The following EPS15L1 variants were observed in gnomAD, a reference collection of about 807,000 sequenced individuals.
The protein encoded by EPS15L1 is epidermal growth factor receptor substrate 15-like 1.
In EPS15L1, 43 loss-of-function variants were observed where a neutral mutation model predicts 117.1. The ratio of observed to expected loss-of-function variants is 0.37; its 90% confidence interval spans 0.29 to 0.47. The LOEUF (loss-of-function observed/expected upper bound fraction) is 0.47, where lower values mean the gene tolerates loss of function less well. Ranked by LOEUF, EPS15L1 falls within the 20% of genes least tolerant of loss-of-function variation. EPS15L1 has a pLI of 0.99. For synonymous variants in EPS15L1, 459 were observed against 470.5 expected, an observed-to-expected ratio of 0.98 and a Z score of 0.32; for missense variants, 981 against 1,164.0, an observed-to-expected ratio of 0.84 and a Z score of 2.29.
chr19:16,447,446 G>T (rs2093094959), intron 1 of EPS15L1, among the ~76,000 whole-genome samples: 1 of 152,164 alleles, frequency 6.6e-6, no homozygotes, highest in South Asian at 2.1e-4. Context: ...GAAAGAAAAT[G>T]TTCCATCTCA....
At chr19:16,419,315 C>T (rs910792796) in intron 10 of EPS15L1, among the ~76,000 whole-genome samples, 27 of 152,240 alleles carry the variant, frequency 1.8e-4, no homozygotes, top group Admixed American at 9.8e-4. Flanking sequence ...AAAAATTAGC[C>T]GGGCATGGTG....
intron 10 of EPS15L1, 107 bp from the exon 11 acceptor site, chr19:16,418,211 G>C: frequency 2.3e-6 from 3 of 1,309,404 alleles, no homozygotes; most frequent in East Asian, 2.4e-5. Flanking sequence ...GAAAACAACG[G>C]CAGGGCGTGG....
chr19:16,361,558 T>C, intron 23 of EPS15L1: 1 of 1,299,022 alleles, frequency 7.7e-7, no homozygotes, highest in Non-Finnish European at 9.8e-7. Flanking sequence ...AAACGTGCCC[T>C]TATGATAGAG....
At chr19:16,367,517 A>C (rs1220314249) in intron 22 of EPS15L1, among the ~76,000 whole-genome samples, 3 of 149,396 alleles carry the variant, frequency 2.0e-5, no homozygotes, top group Non-Finnish European at 4.5e-5. Flanking sequence ...AAAAAAAAAA[A>C]AAAAAAAAAC....
At chr19:16,376,778 G>A (rs2092301354) in intron 22 of EPS15L1, among the ~76,000 whole-genome samples, 2 of 152,252 alleles carry the variant, frequency 1.3e-5, no homozygotes, top group Admixed American at 6.5e-5. Context: ...GGCTCCTGAA[G>A]TATAGCCAGG....
At chr19:16,467,734 G>A (rs1331523166) in intron 1 of EPS15L1, among the ~76,000 whole-genome samples, 3 of 152,138 alleles carry the variant, frequency 2.0e-5, no homozygotes, top group Non-Finnish European at 2.9e-5. Flanking sequence ...GTAAGTGTCC[G>A]AGCCACTCAG....
chr19:16,384,294 CCTCA>C (rs1411900894), intron 21 of EPS15L1: 1 of 152,294 alleles, frequency 6.6e-6, no homozygotes, highest in Non-Finnish European at 1.5e-5. Context: ...GAAAAATGCT[CCTCA>C]CTCAAACAGG....
At chr19:16,399,103 C>T (rs1203607066) in intron 16 of EPS15L1, among the ~76,000 whole-genome samples, 3 of 152,162 alleles carry the variant, frequency 2.0e-5, no homozygotes, top group Non-Finnish European at 4.4e-5. Context: ...AAGCCCCCTG[C>T]ACTGACAGTC....
chr19:16,436,834 G>T, intron 6 of EPS15L1, 103 bp downstream of exon 6: 1 of 944,514 alleles, frequency 1.1e-6, no homozygotes, highest in South Asian at 1.6e-5. Flanking sequence ...AAAATGTTCT[G>T]AACAACATCA....
rs535270269 is a variant in EPS15L1 at position 16,392,294 on chromosome 19, C to T, written c.2103+10G>A. 1.1e-5 allele frequency: 17 copies of T among 1,613,898 alleles called. No individual in the cohort carries two copies. The highest frequency in any genetic ancestry group is 1.7e-4 in the Middle Eastern group (1 of 6,056). ...CGCAGCTCTCCCGGGCAACGTCCCA[C>T]CCCACTCACCTTCGAAGGTAAGGAA... is the stretch of plus-strand genomic sequence containing the variant. On this transcript the variant is annotated intron_variant, in intron 19 of 23. Coordinates refer to ENST00000455140, the MANE Select transcript of EPS15L1 (RefSeq NM_001258374.3).
intron 16 of EPS15L1, chr19:16,401,930 C>G (rs747395463): frequency 5.4e-5 from 55 of 1,014,102 alleles, no homozygotes; most frequent in Non-Finnish European, 6.2e-5. Context: ...ACATGCCCCT[C>G]AGATGTCCCC....
Position 16,370,175 on chromosome 19 carries a change from C to T in EPS15L1, c.2380+6947G>A, listed in dbSNP as rs1173577786. 6.6e-6 allele frequency among the ~76,000 whole-genome samples: 1 copy of T among 152,182 alleles called. No homozygotes were observed. Among genetic ancestry groups the T allele is most frequent in the African/African-American group, 2.4e-5 (1 of 41,450 alleles). On this transcript the variant is annotated intron_variant, in intron 22 of 23. Transcript: ENST00000455140. The surrounding 1 kb of genome is among the most constrained non-coding windows in gnomAD (Gnocchi z 5.2). ...CACCAGGAGCTCCCATGGTGGGGGA[C>T]ACTTTTGCTCTCTTTATGGCCAGAT...
At position 16,402,363 on chromosome 19, in the gene EPS15L1, G is replaced by A. The variant is rs771374210; in HGVS notation, c.1749C>T (p.Ser583=). 9 of 1,613,762 alleles carry A rather than the reference G, an allele frequency of 5.6e-6. No homozygotes were observed. Among genetic ancestry groups the A allele is most frequent in the East Asian group, 2.2e-5 (1 of 44,844 alleles). ...GASLTDLANL[S]EGVSLAERGS... is the part of the protein sequence containing the mutation. ...CCCTCTCTGCCAGGGAGACGCCTTC[G>A]CTCAGGTTGGCCAGGTCGGTCAGGC... The change falls in exon 16 of 24, where the codon AGC becomes AGT. Residue 583 remains serine (S), a synonymous_variant. Coordinates refer to ENST00000455140, the MANE Select transcript of EPS15L1 (RefSeq NM_001258374.3).
chr19:16,397,814 C>T (rs2092555875), intron 16 of EPS15L1, among the ~76,000 whole-genome samples: 1 of 151,992 alleles, frequency 6.6e-6, no homozygotes, highest in East Asian at 1.9e-4. Flanking sequence ...TTGTCATATA[C>T]ATGGGAACAA....
At chr19:16,419,560 C>T (rs1186888414) in intron 10 of EPS15L1, among the ~76,000 whole-genome samples, 2 of 151,962 alleles carry the variant, frequency 1.3e-5, no homozygotes, top group Non-Finnish European at 2.9e-5. Flanking sequence ...TTCCTTCACC[C>T]ATGCTGCCCT....
chr19:16,417,908 G>A (rs1020355377), intron 11 of EPS15L1, 40 bp downstream of exon 11: 4 of 1,584,774 alleles, frequency 2.5e-6, no homozygotes, highest in South Asian at 1.1e-5. Context: ...GCGGTGGGAA[G>A]GGATGTCAAT....
At position 16,365,216 on chromosome 19, in the gene EPS15L1, C is replaced by T. The variant is rs1193492252; in HGVS notation, c.2381-3232G>A. Among the ~76,000 whole-genome samples the T allele has an allele frequency of 2.0e-5, 3 of 152,226 alleles. No homozygotes were observed. Among genetic ancestry groups the T allele is most frequent in the African/African-American group, 7.2e-5 (3 of 41,448 alleles). ...GACGGTGTGGGGCATGGCGGCCACCCCCCTCAGCCTGTTTCTTAATCCAAA... is the reference window on the plus strand; with the variant it reads ...GACGGTGTGGGGCATGGCGGCCACCTCCCTCAGCCTGTTTCTTAATCCAAA... On this transcript the variant is annotated intron_variant, in intron 22 of 23. Transcript: ENST00000455140. The surrounding 1 kb of genome is among the most constrained non-coding windows in gnomAD (Gnocchi z 4.9).
chr19:16,374,914 TA>T (rs1385707506), intron 22 of EPS15L1, among the ~76,000 whole-genome samples: 4 of 152,248 alleles, frequency 2.6e-5, no homozygotes, highest in African/African-American at 9.6e-5. Flanking sequence ...AATATCTGTG[TA>T]ATGCTCACCT....
At chr19:16,463,675 C>T (rs993080349) in intron 1 of EPS15L1, among the ~76,000 whole-genome samples, 1 of 152,178 alleles carries the variant, frequency 6.6e-6, no homozygotes, top group Non-Finnish European at 1.5e-5. Flanking sequence ...AGTCTCTGCC[C>T]TTGTGGACCT....
Sources: allele counts gnomAD v4.1 joint callset (sites outside exome capture counted in the v4.1 genomes callset), GRCh38; gene constraint gnomAD v4.1.1; non-coding constraint Gnocchi (gnomAD v3.1); transcripts MANE v1.5; gene names NCBI Gene and HGNC (gene_info 2026-07-23, HGNC 2026-07-21).